Variants in AGBL4 observed in about 807,000 individuals in gnomAD.
AGBL4 encodes the protein cytosolic carboxypeptidase 6.
A neutral mutation model predicts 66.4 loss-of-function variants in AGBL4; 58 were observed. That is an observed-to-expected ratio of 0.87 (90% confidence interval 0.71 to 1.09). The LOEUF (loss-of-function observed/expected upper bound fraction) is 1.09. Ranked by LOEUF, AGBL4 falls within the 50% of genes least tolerant of loss-of-function variation. The pLI is 0.00. For missense variants in AGBL4, 579 were observed against 631.0 expected (o/e 0.92, Z 0.88); for synonymous variants, 234 against 222.9 (o/e 1.05, Z -0.44).
chr1:48,549,239 G>A (rs762579420), intron 11 of AGBL4, among the ~76,000 whole-genome samples: 11 of 152,220 alleles, frequency 7.2e-5, no homozygotes, highest in Non-Finnish European at 1.5e-4. Context: ...CTGCCTAGGA[G>A]CCTCTAGGTA....
chr1:48,852,112 G>GCT (rs1647048646), intron 6 of AGBL4, among the ~76,000 whole-genome samples: 1 of 149,278 alleles, frequency 6.7e-6, no homozygotes, highest in South Asian at 2.1e-4. Flanking sequence ...CTATTTTAGG[G>GCT]ATGAAAGACT....
At chr1:49,313,522 G>A (rs1355861192) in intron 3 of AGBL4, among the ~76,000 whole-genome samples, 3 of 151,898 alleles carry the variant, frequency 2.0e-5, no homozygotes, top group African/African-American at 7.3e-5. Context: ...TTCTCCACAT[G>A]CTCTCCAGCA....
intron 6 of AGBL4, among the ~76,000 whole-genome samples, chr1:48,706,995 G>C (rs1646891138): frequency 6.6e-6 from 1 of 152,186 alleles, no homozygotes; most frequent in Non-Finnish European, 1.5e-5. Context: ...TCCTGAACTT[G>C]CCTAAAGAGT....
At chr1:48,581,313 TC>T (rs1246383388) in intron 11 of AGBL4, among the ~76,000 whole-genome samples, 9 of 152,156 alleles carry the variant, frequency 5.9e-5, no homozygotes, top group Non-Finnish European at 1.2e-4. Flanking sequence ...TATCTCAGCA[TC>T]TTCTCTTGAC....
intron 9 of AGBL4, among the ~76,000 whole-genome samples, chr1:48,594,398 A>G (rs1433064082): frequency 6.6e-6 from 1 of 152,208 alleles, no homozygotes; most frequent in Non-Finnish European, 1.5e-5. Context: ...AACTCTGTTC[A>G]TTTCCTTTGA....
chr1:48,649,326 A>G (rs1037253631), intron 8 of AGBL4, among the ~76,000 whole-genome samples: 1 of 152,216 alleles, frequency 6.6e-6, no homozygotes, highest in Non-Finnish European at 1.5e-5. Flanking sequence ...AAGACCTGAA[A>G]TGAAGAGAAG....
At position 48,792,175 on chromosome 1, in the gene AGBL4, C is replaced by T. The variant is rs545038666; in HGVS notation, c.634+75016G>A. Among the ~76,000 whole-genome samples, 4 of 152,014 alleles carry T rather than the reference C, an allele frequency of 2.6e-5. No homozygotes were observed. In the South Asian group the frequency reaches 8.3e-4, roughly 32 times the overall value. ...AGACAGAGACACATAGGAGGAATGC[C>T]ATGTGATGATAGAGGCAGAGATTGA... On this transcript the variant is annotated intron_variant, in intron 6 of 13. Coordinates refer to ENST00000371839, the MANE Select transcript of AGBL4 (RefSeq NM_032785.4).
chr1:49,904,448 C>T (rs1160098426), intron 1 of AGBL4, among the ~76,000 whole-genome samples: 2 of 152,100 alleles, frequency 1.3e-5, no homozygotes, highest in African/African-American at 2.4e-5. Flanking sequence ...GAAATTCAAC[C>T]TCAGTACAAA....
At chr1:49,247,721 A>G (rs1035109065) in intron 3 of AGBL4, among the ~76,000 whole-genome samples, 6 of 152,220 alleles carry the variant, frequency 3.9e-5, no homozygotes, top group Non-Finnish European at 8.8e-5. Flanking sequence ...TGAAGCTGGA[A>G]TAAAGAAATG....
chr1:49,455,856 A>G (rs1396062444), intron 3 of AGBL4, among the ~76,000 whole-genome samples: 2 of 151,590 alleles, frequency 1.3e-5, no homozygotes, highest in Non-Finnish European at 3.0e-5. Context: ...TTACCTCCCA[A>G]GGTCTTGGTA....
chr1:49,883,217 G>A (rs552753470), intron 1 of AGBL4, among the ~76,000 whole-genome samples: 1 of 152,106 alleles, frequency 6.6e-6, no homozygotes, highest in Non-Finnish European at 1.5e-5. Context: ...TAGCAGTTAT[G>A]TTTATAGCGA....
intron 11 of AGBL4, among the ~76,000 whole-genome samples, chr1:48,570,569 T>C (rs1644545875): frequency 6.6e-6 from 1 of 152,074 alleles, no homozygotes; most frequent in Admixed American, 6.5e-5. Context: ...TTGTAAGATA[T>C]AGTGACTGCT....
At chr1:49,881,355 A>T (rs1046071229) in intron 1 of AGBL4, among the ~76,000 whole-genome samples, 5 of 152,146 alleles carry the variant, frequency 3.3e-5, no homozygotes, top group Non-Finnish European at 7.3e-5. Context: ...ATACGTGTGC[A>T]TCTGTCTTTA....
intron 9 of AGBL4, among the ~76,000 whole-genome samples, chr1:48,630,846 C>G (rs1021989760): frequency 6.6e-6 from 1 of 152,156 alleles, no homozygotes. Flanking sequence ...GTAAGACACC[C>G]TCTCAGGGCA....
intron 4 of AGBL4, among the ~76,000 whole-genome samples, chr1:49,147,764 C>T (rs1457689265): frequency 6.6e-6 from 1 of 151,796 alleles, no homozygotes; most frequent in Non-Finnish European, 1.5e-5. Flanking sequence ...ATGAAAAAAA[C>T]ATCTAATGGC....
chr1:49,027,399 G>A (rs1663798282), intron 5 of AGBL4, among the ~76,000 whole-genome samples: 1 of 152,032 alleles, frequency 6.6e-6, no homozygotes, highest in African/African-American at 2.4e-5. Context: ...CTGACCTCAG[G>A]TGATCCACCT....
chr1:49,662,809 A>G (rs896984654), intron 3 of AGBL4, among the ~76,000 whole-genome samples: 1 of 152,144 alleles, frequency 6.6e-6, no homozygotes. Context: ...ACATTTGGAG[A>G]ATGAAAGAAT....
chr1:48,741,209 T>G (rs188893884), intron 6 of AGBL4, among the ~76,000 whole-genome samples: 1 of 152,258 alleles, frequency 6.6e-6, no homozygotes, highest in African/African-American at 2.4e-5. Flanking sequence ...AAACATAGCA[T>G]AGTCCTATCT....
At chr1:49,257,152 A>C (rs1469945665) in intron 3 of AGBL4, among the ~76,000 whole-genome samples, 1 of 152,230 alleles carries the variant, frequency 6.6e-6, no homozygotes, top group Non-Finnish European at 1.5e-5. Flanking sequence ...AAAAATGAAA[A>C]TGAAAGTCAA....
Sources: allele counts gnomAD v4.1 joint callset (sites outside exome capture counted in the v4.1 genomes callset), GRCh38; gene constraint gnomAD v4.1.1; transcripts MANE v1.5; gene names NCBI Gene and HGNC (gene_info 2026-07-23, HGNC 2026-07-21).